Variants in CCDC192 observed in about 807,000 individuals in gnomAD.
CCDC192 encodes the protein coiled-coil domain-containing protein 192.
intron 5 of CCDC192, among the ~76,000 whole-genome samples, chr5:127,834,584 C>T (rs879570269): frequency 6.6e-5 from 10 of 152,084 alleles, no homozygotes; most frequent in Middle Eastern, 3.2e-3. Flanking sequence ...GTATTACATG[C>T]GATATTCATA....
Position 127,723,939 on chromosome 5 carries a change from A to C in CCDC192, c.114+16179A>C, listed in dbSNP as rs114113103. On this transcript the variant is annotated intron_variant, in intron 2 of 6. Transcript: ENST00000514853. ...ATCAGAGTCCATTGGTTATTTTGAA[A>C]TAAGTTAAAATATTTCAATCAATGT... Among the ~76,000 whole-genome samples, 1,152 of 152,348 alleles carry C rather than the reference A, an allele frequency of 7.6e-3. 22 individuals are homozygous for C. The highest frequency in any genetic ancestry group is 0.026 in the African/African-American group (1,100 of 41,564).
chr5:127,897,061 CT>C (rs34866205), intron 6 of CCDC192, among the ~76,000 whole-genome samples: 41,962 of 148,080 alleles, frequency 0.28, 6,032 homozygotes, highest in African/African-American at 0.35. Flanking sequence ...GTCTCTCTCT[CT>C]TTTTTTTTTT....
intron 6 of CCDC192, among the ~76,000 whole-genome samples, chr5:127,920,518 T>C (rs1444684724): frequency 6.6e-6 from 1 of 150,640 alleles, no homozygotes; most frequent in Non-Finnish European, 1.5e-5. Context: ...CAAGCAATTC[T>C]CTGCAAACTT....
intron 3 of CCDC192, among the ~76,000 whole-genome samples, chr5:127,760,996 A>G (rs534304248): frequency 6.6e-6 from 1 of 152,188 alleles, no homozygotes; most frequent in Non-Finnish European, 1.5e-5. Context: ...GAAATTCAAG[A>G]GGAGGCAAAA....
chr5:127,883,625 A>G (rs1443210980), intron 6 of CCDC192, among the ~76,000 whole-genome samples: 1 of 152,202 alleles, frequency 6.6e-6, no homozygotes, highest in African/African-American at 2.4e-5. Context: ...AAGGATAAGC[A>G]TCTGTTTCAG....
intron 6 of CCDC192, among the ~76,000 whole-genome samples, chr5:127,917,638 A>C (rs1341536961): frequency 1.3e-5 from 2 of 152,246 alleles, no homozygotes; most frequent in African/African-American, 4.8e-5. Flanking sequence ...TAAGTGGAGC[A>C]GTAAAAACCC....
intron 5 of CCDC192, among the ~76,000 whole-genome samples, chr5:127,868,076 G>A (rs768050814): frequency 4.7e-5 from 7 of 147,858 alleles, no homozygotes; most frequent in East Asian, 2.0e-4. Context: ...CTTCCTGGAC[G>A]TTTCTCCCTG....
intron 6 of CCDC192, among the ~76,000 whole-genome samples, chr5:127,883,105 A>G (rs930441096): frequency 3.3e-5 from 5 of 152,234 alleles, no homozygotes; most frequent in African/African-American, 1.2e-4. Context: ...GTTGATATGT[A>G]GTCAAAAGCA....
chr5:127,757,583 T>G (rs1203258840), intron 3 of CCDC192, among the ~76,000 whole-genome samples: 1 of 151,882 alleles, frequency 6.6e-6, no homozygotes, highest in Non-Finnish European at 1.5e-5. Context: ...TAAAAACATA[T>G]GGATGAGAGG....
At chr5:127,790,320 G>C (rs1349816602) in intron 3 of CCDC192, among the ~76,000 whole-genome samples, 1 of 152,008 alleles carries the variant, frequency 6.6e-6, no homozygotes, top group South Asian at 2.1e-4. Flanking sequence ...AGGCCATTTT[G>C]GGATATGTTT....
intron 2 of CCDC192, among the ~76,000 whole-genome samples, chr5:127,741,054 A>AGTTGTTGTTGTCGTC (rs1392986006): frequency 6.6e-6 from 1 of 151,994 alleles, no homozygotes; most frequent in African/African-American, 2.4e-5. Flanking sequence ...TTTTTTATTT[A>AGTTGTTGTTGTCGTC]GTTGTTGTTG....
At chr5:127,857,818 C>T (rs1429975463) in intron 5 of CCDC192, 1 of 152,102 alleles carries the variant, frequency 6.6e-6, no homozygotes, top group Non-Finnish European at 1.5e-5. Flanking sequence ...CTAAGGCCTT[C>T]AAAGAATTGC....
intron 3 of CCDC192, among the ~76,000 whole-genome samples, chr5:127,772,706 A>T (rs1164928289): frequency 6.6e-6 from 1 of 152,140 alleles, no homozygotes; most frequent in African/African-American, 2.4e-5. Flanking sequence ...GTCAGAAATG[A>T]TCTCTTATAC....
intron 2 of CCDC192, among the ~76,000 whole-genome samples, chr5:127,708,674 T>C (rs780076248): frequency 6.6e-6 from 1 of 152,184 alleles, no homozygotes; most frequent in African/African-American, 2.4e-5. Flanking sequence ...TTACTTTTCA[T>C]CTGTAGAATA....
rs183703780 is a variant in CCDC192 at position 127,861,208 on chromosome 5, A to G, written c.412-14330A>G. Among the ~76,000 whole-genome samples the G allele has an allele frequency of 5.3e-4, 81 of 151,760 alleles. No individual in the cohort carries two copies. In the East Asian group the frequency reaches 0.011, roughly 21 times the overall value. On this transcript the variant is annotated intron_variant, in intron 5 of 6. Transcript: ENST00000514853. ...TTTTTAGTAGAGATGGGGTTTCTCC[A>G]TGTTGGTCAGGCTGGTTTTGAACTC...
intron 6 of CCDC192, among the ~76,000 whole-genome samples, chr5:127,912,230 CA>C (rs929795229): frequency 3.3e-5 from 5 of 151,134 alleles, no homozygotes; most frequent in Admixed American, 2.0e-4. Context: ...GCTCCCGTCC[CA>C]AAAAAAATTT....
intron 6 of CCDC192, among the ~76,000 whole-genome samples, chr5:127,939,687 G>GTT (rs34470118): frequency 3.2e-4 from 46 of 144,858 alleles, no homozygotes; most frequent in African/African-American, 6.6e-4. Flanking sequence ...TTATTTTTAT[G>GTT]TTTTTTTTTT....
At chr5:127,930,708 C>T (rs1206759051) in intron 6 of CCDC192, among the ~76,000 whole-genome samples, 1 of 152,208 alleles carries the variant, frequency 6.6e-6, no homozygotes, top group Non-Finnish European at 1.5e-5. Flanking sequence ...AGGAACTCTG[C>T]CCCAGAAAGG....
intron 2 of CCDC192, among the ~76,000 whole-genome samples, chr5:127,715,823 G>T (rs1396091166): frequency 6.6e-6 from 1 of 152,072 alleles, no homozygotes; most frequent in Non-Finnish European, 1.5e-5. Flanking sequence ...ATATACAAAA[G>T]ATCATGTCAT....
Sources: allele counts gnomAD v4.1 joint callset (sites outside exome capture counted in the v4.1 genomes callset), GRCh38; gene constraint gnomAD v4.1.1; transcripts MANE v1.5; gene names NCBI Gene and HGNC (gene_info 2026-07-23, HGNC 2026-07-21).